The following MSI2 variants were observed in gnomAD, a reference collection of about 807,000 sequenced individuals.
MSI2 encodes RNA-binding protein Musashi homolog 2.
MSI2 carries 17 observed loss-of-function variants against 45.6 expected under a neutral mutation model. The ratio of observed to expected loss-of-function variants is 0.37; its 90% CI spans 0.26 to 0.56. The LOEUF (loss-of-function observed/expected upper bound fraction) is 0.56, where lower values mean the gene tolerates loss of function less well. Among genes scored for constraint, MSI2 ranks in the 20% least tolerant of loss-of-function variants. MSI2 has a pLI of 0.77. For missense variants in MSI2, 293 were observed against 444.2 expected (o/e 0.66, Z 3.06); for synonymous variants, 156 against 158.2 (o/e 0.99, Z 0.11).
intron 7 of MSI2, among the ~76,000 whole-genome samples, chr17:57,558,357 A>G (rs1015347104): frequency 1.3e-5 from 2 of 152,094 alleles, no homozygotes; most frequent in African/African-American, 4.8e-5. Context: ...TCCAACAAAT[A>G]ACAAAGAGGG....
At chr17:57,561,015 T>C (rs556376159) in intron 7 of MSI2, among the ~76,000 whole-genome samples, 73 of 152,348 alleles carry the variant, frequency 4.8e-4, no homozygotes, top group African/African-American at 1.8e-3. Context: ...AAATGGTGAC[T>C]TTCCAGAGCC....
At chr17:57,492,482 CAT>C (rs2085893319) in intron 6 of MSI2, among the ~76,000 whole-genome samples, 1 of 152,176 alleles carries the variant, frequency 6.6e-6, no homozygotes, top group South Asian at 2.1e-4. Flanking sequence ...AAGGGAAAAA[CAT>C]AGTTTTTGAT....
intron 6 of MSI2, among the ~76,000 whole-genome samples, chr17:57,515,202 A>ATTTTG (rs555268637): frequency 0.01 from 1,591 of 152,152 alleles, 26 homozygotes; most frequent in South Asian, 0.084. Context: ...ATCTGAGTCT[A>ATTTTG]TTTTGTTTTG....
chr17:57,630,128 T>G (rs1228758561), intron 10 of MSI2: 1 of 148,230 alleles, frequency 6.7e-6, no homozygotes, highest in Admixed American at 7.0e-5. Context: ...CAGAGTGAGA[T>G]AGGGTCCCCT....
At chr17:57,692,748 A>C in the MSI2 span, among the ~76,000 whole-genome samples, 1 of 149,206 alleles carries the variant, frequency 6.7e-6, no homozygotes, top group South Asian at 2.1e-4. Flanking sequence ...TCTTTTCAGT[A>C]CTTTAAAGAT....
intron 6 of MSI2, among the ~76,000 whole-genome samples, chr17:57,458,498 G>A (rs759107046): frequency 6.6e-6 from 1 of 152,302 alleles, no homozygotes; most frequent in South Asian, 2.1e-4. Context: ...CAGAAGGAAA[G>A]AACTCTGGGT....
At chr17:57,315,100 G>A (rs2143631869) in intron 5 of MSI2, among the ~76,000 whole-genome samples, 1 of 152,312 alleles carries the variant, frequency 6.6e-6, no homozygotes, top group African/African-American at 2.4e-5. Context: ...CAGAACTGCT[G>A]TTTGGGCAGT....
intron 5 of MSI2, among the ~76,000 whole-genome samples, chr17:57,375,935 G>T (rs2083488842): frequency 6.6e-6 from 1 of 152,200 alleles, no homozygotes; most frequent in East Asian, 1.9e-4. Flanking sequence ...GGAGCAGCAG[G>T]CTGAGTCAGC....
At chr17:57,658,709 A>T (rs1911778301) in intron 11 of MSI2, among the ~76,000 whole-genome samples, 1 of 152,194 alleles carries the variant, frequency 6.6e-6, no homozygotes, top group Admixed American at 6.5e-5. Flanking sequence ...GGGAATGTTA[A>T]TGGTCTTTCA....
chr17:57,526,824 C>T (rs959174980), intron 6 of MSI2, among the ~76,000 whole-genome samples: 1 of 152,078 alleles, frequency 6.6e-6, no homozygotes, highest in African/African-American at 2.4e-5. Context: ...ATTTTTCTTT[C>T]GTCCTGACAC....
At chr17:57,336,490 C>T (rs1211128987) in intron 5 of MSI2, among the ~76,000 whole-genome samples, 1 of 152,136 alleles carries the variant, frequency 6.6e-6, no homozygotes, top group Admixed American at 6.5e-5. Flanking sequence ...AGTTAAATCA[C>T]CTGTGTTACC....
intron 6 of MSI2, among the ~76,000 whole-genome samples, chr17:57,417,246 A>G (rs933156981): frequency 4.6e-5 from 7 of 152,184 alleles, no homozygotes; most frequent in South Asian, 2.1e-4. Context: ...ATAAAGGACC[A>G]GTGTTGCCAT....
chr17:57,426,610 G>A (rs888261652), intron 6 of MSI2, among the ~76,000 whole-genome samples: 5 of 152,174 alleles, frequency 3.3e-5, no homozygotes, highest in African/African-American at 1.2e-4. Flanking sequence ...AGTAGTAAAT[G>A]GTTGTTGAGT....
chr17:57,577,188 G>T (rs998244039), intron 7 of MSI2, among the ~76,000 whole-genome samples: 1 of 152,188 alleles, frequency 6.6e-6, no homozygotes, highest in African/African-American at 2.4e-5. Context: ...ACCATGAGTG[G>T]CCGTTTGTGA....
At chr17:57,310,845 G>A (rs9896591) in intron 5 of MSI2, among the ~76,000 whole-genome samples, 16,714 of 152,208 alleles carry the variant, frequency 0.11, 1,686 homozygotes, top group African/African-American at 0.25. Context: ...TGGCAGCACC[G>A]CAGAGCGCCT....
At chr17:57,586,585 C>T (rs560197413) in intron 7 of MSI2, among the ~76,000 whole-genome samples, 6 of 152,212 alleles carry the variant, frequency 3.9e-5, no homozygotes, top group South Asian at 2.1e-4. Flanking sequence ...GGATTTGATT[C>T]GGGCAAACTG....
chr17:57,648,710 G>A (rs941609325), intron 10 of MSI2, among the ~76,000 whole-genome samples: 12 of 152,156 alleles, frequency 7.9e-5, no homozygotes, highest in East Asian at 1.9e-4. Flanking sequence ...TGCTTGGCCC[G>A]AGGCCCTATG....
downstream of MSI2, among the ~76,000 whole-genome samples, chr17:57,686,933 T>C (rs1163006767): frequency 6.6e-6 from 1 of 152,138 alleles, no homozygotes; most frequent in African/African-American, 2.4e-5. Context: ...CTGATGGCTC[T>C]TCGAATAGAG....
chr17:57,691,213 ATCTATC>A, the MSI2 span, among the ~76,000 whole-genome samples: 3 of 111,814 alleles, frequency 2.7e-5, no homozygotes, highest in African/African-American at 9.9e-5. Context: ...CTATCTATCT[ATCTATC>A]TATCTATCTA....
Sources: gnomAD v4.1 joint callset for allele counts (sites outside exome capture counted in the v4.1 genomes callset) on GRCh38, gnomAD v4.1.1 for gene constraint, MANE v1.5 for transcripts, NCBI Gene and HGNC (gene_info 2026-07-23, HGNC 2026-07-21) for gene names.